PRDM5: variants seen among roughly 807,000 people sequenced by gnomAD.
PRDM5 encodes the protein PR domain zinc finger protein 5.
In PRDM5, 56 loss-of-function variants were observed where a neutral mutation model predicts 81.2. The ratio of observed to expected loss-of-function variants is 0.69; its 90% CI spans 0.56 to 0.86. PRDM5 has a LOEUF of 0.86. PRDM5 is among the 40% of genes least tolerant of loss of function. PRDM5 has a pLI of 0.00. For synonymous variants in PRDM5, 267 were observed against 256.4 expected (o/e 1.04, Z -0.39); for missense variants, 697 against 770.1 (o/e 0.91, Z 1.12).
At chr4:120,856,493 C>T (rs1038707922) in intron 2 of PRDM5, among the ~76,000 whole-genome samples, 2 of 152,168 alleles carry the variant, frequency 1.3e-5, no homozygotes, top group Non-Finnish European at 2.9e-5. Context: ...CTGGCCATTT[C>T]CTCATTGCAC....
chr4:120,900,134 T>G (rs544952975), intron 2 of PRDM5, among the ~76,000 whole-genome samples: 1 of 152,192 alleles, frequency 6.6e-6, no homozygotes, highest in East Asian at 1.9e-4. Context: ...CAGAACACAG[T>G]TCTTTTGGGT....
At chr4:120,754,499 T>A (rs1744438756) in intron 14 of PRDM5, 54 bp downstream of exon 14, 1 of 1,263,850 alleles carries the variant, frequency 7.9e-7, no homozygotes, top group Admixed American at 1.7e-5. Context: ...ATATTTCTTT[T>A]AAAATAAGTA....
chr4:120,757,083 C>T (rs1348478011), intron 13 of PRDM5, among the ~76,000 whole-genome samples: 2 of 152,050 alleles, frequency 1.3e-5, no homozygotes, highest in Admixed American at 1.3e-4. Context: ...GTTACTATTT[C>T]CTTTCATAAC....
chr4:120,706,023 C>T (rs1560915628), intron 15 of PRDM5, among the ~76,000 whole-genome samples: 33 of 151,500 alleles, frequency 2.2e-4, no homozygotes. Flanking sequence ...GCAGGAATTA[C>T]AGGGTGTGAG....
In PRDM5 at chr4:120,887,888, G is replaced by A. The variant is rs1383952454; in HGVS notation, c.177+19586C>T. Reference sequence around the variant, plus strand: ...GCTCACTGCAAGCTCCGCCTCCCGGGTTCACGCCATTCTCCTGCCTCAGCC... The same window carrying A: ...GCTCACTGCAAGCTCCGCCTCCCGGATTCACGCCATTCTCCTGCCTCAGCC... On this transcript the variant is annotated intron_variant, in intron 2 of 15. Transcript: ENST00000264808. Among the ~76,000 whole-genome samples, 3 of 63,806 alleles carry A rather than the reference G, an allele frequency of 4.7e-5. 1 individual carries two copies. The highest frequency in any genetic ancestry group is 8.4e-5 in the Non-Finnish European group (3 of 35,666). 41.9% of individuals were successfully genotyped at this position (63,806 alleles called of 152,430 possible).
intron 15 of PRDM5, among the ~76,000 whole-genome samples, chr4:120,709,517 T>C (rs1432697697): frequency 1.3e-5 from 2 of 152,220 alleles, no homozygotes; most frequent in African/African-American, 4.8e-5. Context: ...TCATATGGAC[T>C]GCTTACCCTA....
intron 1 of PRDM5, among the ~76,000 whole-genome samples, chr4:120,910,325 G>A (rs1461856908): frequency 3.3e-5 from 5 of 152,188 alleles, no homozygotes; most frequent in African/African-American, 1.2e-4. Context: ...CTACTGTGGT[G>A]AGAAACAATG....
rs527798044 is a variant in PRDM5, at chr4:120,695,223, G to A, written c.1781C>T (p.Thr594Ile). 2 of 1,613,552 alleles carry A rather than the reference G, an allele frequency of 1.2e-6. No individual in the cohort carries two copies. Among genetic ancestry groups the A allele is most frequent in the South Asian group, 1.1e-5 (1 of 91,074 alleles). The change falls in exon 16 of 16, where the codon ACT (threonine) becomes ATT (isoleucine). Residue 594 changes from threonine (T) to isoleucine (I), a missense_variant. Physicochemically the swap from Thr to Ile is moderately conservative, Grantham distance 89. Around this residue, in one of 3 missense-constraint regions of PRDM5, gnomAD observed 86 missense variants for 135.2 expected, o/e 0.64. Transcript: ENST00000264808. ...LKKMLIRHKM[T>I]HNPNRPLAEC... The stretch of plus-strand genomic sequence containing the variant: ...TGCCAGGGGACGATTGGGATTATGA[G>A]TCATCTTGTGTCGAATCAGCATTTT...
In PRDM5 at chr4:120,816,227, C is replaced by G. The variant is rs1451243052; in HGVS notation, c.865+226G>C. On this transcript the variant is annotated intron_variant, in intron 7 of 15. Coordinates refer to ENST00000264808, the MANE Select transcript of PRDM5 (RefSeq NM_018699.4). ...ATAACTAGACTTTAACTAAGGCTTACAGTTATAATTAATTCAGGAATGGGA... is the reference window on the plus strand; with the variant it reads ...ATAACTAGACTTTAACTAAGGCTTAGAGTTATAATTAATTCAGGAATGGGA... 31 of 654,560 alleles carry G rather than the reference C, an allele frequency of 4.7e-5. No individual in the cohort carries two copies. The South Asian group carries it at 5.6e-4, about 12-fold the overall frequency. The allele number at this position is 654,560 out of a possible 1,614,324, so 40.5% of individuals were successfully genotyped here. A position where few individuals can be genotyped will look rare whatever the true frequency, so the allele number is the denominator to read the frequency against.
At chr4:120,882,924 G>A (rs1763002760) in intron 2 of PRDM5, among the ~76,000 whole-genome samples, 1 of 152,108 alleles carries the variant, frequency 6.6e-6, no homozygotes, top group Non-Finnish European at 1.5e-5. Context: ...GAATAAAGCT[G>A]TTTGGTAAAA....
intron 14 of PRDM5, among the ~76,000 whole-genome samples, chr4:120,744,087 A>G (rs1578558032): frequency 6.6e-6 from 1 of 152,196 alleles, no homozygotes; most frequent in East Asian, 1.9e-4. Flanking sequence ...TATCTCTCAG[A>G]CCACAGTGCA....
At chr4:120,829,588 AG>A (rs1433787140) in intron 3 of PRDM5, among the ~76,000 whole-genome samples, 3 of 152,096 alleles carry the variant, frequency 2.0e-5, no homozygotes, top group Admixed American at 6.6e-5. Flanking sequence ...ACTCCAGGAG[AG>A]GCCACGGGTA....
chr4:120,772,189 A>G (rs1747392666), intron 13 of PRDM5, among the ~76,000 whole-genome samples: 1 of 152,160 alleles, frequency 6.6e-6, no homozygotes, highest in South Asian at 2.1e-4. Flanking sequence ...CTAGGCGGGA[A>G]AAGTTATTTA....
rs370888934 is a variant in PRDM5 at position 120,708,654 on chromosome 4, A to T, written c.1728+1655T>A. ...TATCATGTGAATTTCACCTCAATTT[A>T]AAAAAATGCAGCACCTTGGTAGGGT... On this transcript the variant is annotated intron_variant, in intron 15 of 15. Coordinates refer to ENST00000264808, the MANE Select transcript of PRDM5 (RefSeq NM_018699.4). Among the ~76,000 whole-genome samples, 56 of 152,206 alleles carry T rather than the reference A, an allele frequency of 3.7e-4. 1 individual carries two copies. The South Asian group carries it at 5.0e-3, about 14-fold the overall frequency.
chr4:120,875,520 A>G (rs1762256159), intron 2 of PRDM5, among the ~76,000 whole-genome samples: 1 of 152,256 alleles, frequency 6.6e-6, no homozygotes, highest in South Asian at 2.1e-4. Context: ...AGCTGTTAGG[A>G]AAGCTGACTC....
chr4:120,861,925 T>C (rs1343849733), intron 2 of PRDM5, among the ~76,000 whole-genome samples: 1 of 152,210 alleles, frequency 6.6e-6, no homozygotes, highest in Non-Finnish European at 1.5e-5. Flanking sequence ...AAAATTTTTT[T>C]AATCTACTTT....
intron 15 of PRDM5, among the ~76,000 whole-genome samples, chr4:120,703,261 C>T (rs1735639287): frequency 6.6e-6 from 1 of 152,162 alleles, no homozygotes; most frequent in African/African-American, 2.4e-5. Flanking sequence ...TCATAGCTCA[C>T]TGCAGCCTTG....
At chr4:120,774,349 C>T (rs1246925420) in intron 13 of PRDM5, among the ~76,000 whole-genome samples, 1 of 152,236 alleles carries the variant, frequency 6.6e-6, no homozygotes. Context: ...TAAATTGCTA[C>T]ACCTAGCACT....
chr4:120,861,132 C>G (rs548623092), intron 2 of PRDM5, among the ~76,000 whole-genome samples: 1 of 152,056 alleles, frequency 6.6e-6, no homozygotes, highest in African/African-American at 2.4e-5. Context: ...CTCAGCCTCC[C>G]GAGTAGCTGG....
Sources: gnomAD v4.1 joint callset for allele counts (sites outside exome capture counted in the v4.1 genomes callset) on GRCh38, gnomAD v4.1.1 for gene constraint, gnomAD v4.1.1 regional missense constraint, MANE v1.5 for transcripts, NCBI Gene and HGNC (gene_info 2026-07-23, HGNC 2026-07-21) for gene names.